GRIK2: variants seen among roughly 807,000 people sequenced by gnomAD.
GRIK2 encodes the protein glutamate receptor ionotropic, kainate 2.
A neutral mutation model predicts 100.3 loss-of-function variants in GRIK2; 32 were observed. The ratio of observed to expected loss-of-function variants is 0.32; its 90% CI spans 0.24 to 0.43. The LOEUF is 0.43. Ranked by LOEUF, GRIK2 falls within the 20% of genes least tolerant of loss-of-function variation. The probability of loss-of-function intolerance (pLI) is 1.00; values close to 1 mark genes in which losing one functional copy is unlikely to be tolerated. For synonymous variants in GRIK2, 417 were observed against 389.4 expected, an observed-to-expected ratio of 1.07 and a Z score of -0.83; for missense variants, 843 against 1,114.9, an observed-to-expected ratio of 0.76 and a Z score of 3.47.
chr6:101,607,111 G>A (rs1265648094), intron 2 of GRIK2, among the ~76,000 whole-genome samples: 1 of 151,970 alleles, frequency 6.6e-6, no homozygotes, highest in Non-Finnish European at 1.5e-5. Flanking sequence ...GTCACACTAG[G>A]CAGATAAGGA....
chr6:101,465,735 A>G (rs1483235950), intron 2 of GRIK2, among the ~76,000 whole-genome samples: 1 of 152,026 alleles, frequency 6.6e-6, no homozygotes, highest in Non-Finnish European at 1.5e-5. Flanking sequence ...CAAAAATATT[A>G]CTCTTCTAGC....
chr6:101,503,167 C>T (rs1321241203), intron 2 of GRIK2, among the ~76,000 whole-genome samples: 1 of 152,010 alleles, frequency 6.6e-6, no homozygotes, highest in African/African-American at 2.4e-5. Context: ...AGTCAAATAC[C>T]TTAAGTGTTT....
chr6:102,045,838 C>A (rs1582781645), intron 15 of GRIK2, among the ~76,000 whole-genome samples: 1 of 151,932 alleles, frequency 6.6e-6, no homozygotes, highest in East Asian at 1.9e-4. Flanking sequence ...ATAAAAATTG[C>A]AAGAGTAAGT....
intron 4 of GRIK2, among the ~76,000 whole-genome samples, chr6:101,650,022 C>A (rs189287216): frequency 2.0e-4 from 31 of 152,218 alleles, no homozygotes; most frequent in Non-Finnish European, 3.7e-4. Flanking sequence ...CCTAGACAAG[C>A]TCTTTGCAAC....
chr6:101,554,863 T>C (rs544879609), intron 2 of GRIK2, among the ~76,000 whole-genome samples: 126 of 151,142 alleles, frequency 8.3e-4, no homozygotes, highest in African/African-American at 2.9e-3. Flanking sequence ...CTTTTTTTTT[T>C]CCCCCAAAAT....
chr6:101,894,784 T>C (rs1787334321), intron 12 of GRIK2, among the ~76,000 whole-genome samples: 1 of 151,734 alleles, frequency 6.6e-6, no homozygotes, highest in Middle Eastern at 3.2e-3. Context: ...TGTTAGGTTT[T>C]TTTTCCTCTT....
chr6:101,984,156 TATTAA>T (rs1284616428), intron 14 of GRIK2, among the ~76,000 whole-genome samples: 3 of 151,696 alleles, frequency 2.0e-5, no homozygotes, highest in Non-Finnish European at 3.0e-5. Flanking sequence ...ATTCTCAAAA[TATTAA>T]ATTATTAATT....
intron 4 of GRIK2, among the ~76,000 whole-genome samples, chr6:101,648,572 G>A (rs1248161561): frequency 1.3e-5 from 2 of 151,848 alleles, no homozygotes; most frequent in South Asian, 2.1e-4. Flanking sequence ...TTAAAGTGAT[G>A]AGCCAACATA....
At chr6:102,004,287 AT>A (rs35096329) in intron 14 of GRIK2, among the ~76,000 whole-genome samples, 11,513 of 114,264 alleles carry the variant, frequency 0.1, 322 homozygotes, top group Non-Finnish European at 0.12. Context: ...CTGTAAGTTC[AT>A]TTTTTTTTTT....
At chr6:101,814,565 T>C (rs1173284008) in intron 9 of GRIK2, among the ~76,000 whole-genome samples, 7 of 152,146 alleles carry the variant, frequency 4.6e-5, no homozygotes, top group Admixed American at 3.9e-4. Context: ...ACAGTTGTCT[T>C]ATGGAAACTA....
chr6:102,006,683 CT>C (rs1795258515), intron 14 of GRIK2, among the ~76,000 whole-genome samples: 1 of 151,626 alleles, frequency 6.6e-6, no homozygotes, highest in East Asian at 1.9e-4. Context: ...TACTGTCATA[CT>C]GAGATAATGA....
chr6:102,025,685 A>T (rs1316346989), intron 14 of GRIK2, among the ~76,000 whole-genome samples: 2 of 151,224 alleles, frequency 1.3e-5, no homozygotes. Context: ...ATATTGTGAT[A>T]TGTTTTAATT....
intron 11 of GRIK2, among the ~76,000 whole-genome samples, chr6:101,874,574 A>G (rs1339330023): frequency 1.3e-5 from 2 of 152,164 alleles, no homozygotes; most frequent in Admixed American, 6.6e-5. Context: ...TGTCTTGGCA[A>G]TGCAGGCTCT....
chr6:101,551,486 T>C (rs1776505705), intron 2 of GRIK2, among the ~76,000 whole-genome samples: 1 of 152,172 alleles, frequency 6.6e-6, no homozygotes, highest in Admixed American at 6.5e-5. Context: ...CTGCAGGACA[T>C]TTATGGTCTA....
At chr6:101,404,867 A>G (rs1217658972) in intron 2 of GRIK2, among the ~76,000 whole-genome samples, 4 of 152,202 alleles carry the variant, frequency 2.6e-5, no homozygotes, top group Admixed American at 6.5e-5. Context: ...GTAGGTGCAC[A>G]TCATCATTAT....
chr6:101,850,015 C>G (rs1784044670), intron 10 of GRIK2, among the ~76,000 whole-genome samples: 1 of 151,802 alleles, frequency 6.6e-6, no homozygotes, highest in African/African-American at 2.4e-5. Flanking sequence ...ATATACCTGT[C>G]TATTTTTCAA....
chr6:101,672,692 A>G (rs1414438650), intron 4 of GRIK2, among the ~76,000 whole-genome samples: 1 of 152,124 alleles, frequency 6.6e-6, no homozygotes, highest in Non-Finnish European at 1.5e-5. Context: ...AGTAATCAGC[A>G]TAATACCAAT....
intron 14 of GRIK2, among the ~76,000 whole-genome samples, chr6:101,994,027 C>T (rs1562096021): frequency 6.8e-6 from 1 of 146,606 alleles, no homozygotes; most frequent in Non-Finnish European, 1.5e-5. Context: ...TAAATATATA[C>T]ATTATATACA....
chr6:101,793,710 C>G (rs111685579), intron 7 of GRIK2, among the ~76,000 whole-genome samples: 8,004 of 152,190 alleles, frequency 0.053, 498 homozygotes, highest in African/African-American at 0.15. Context: ...CTCCAGCTGC[C>G]TGCTGGGAGA....
Sources: gnomAD v4.1 joint callset for allele counts (sites outside exome capture counted in the v4.1 genomes callset) on GRCh38, gnomAD v4.1.1 for gene constraint, MANE v1.5 for transcripts, NCBI Gene and HGNC (gene_info 2026-07-23, HGNC 2026-07-21) for gene names.